EXOC3: variants seen among roughly 807,000 people sequenced by gnomAD.
EXOC3 encodes exocyst complex component 3.
Under a neutral mutation model 73.7 loss-of-function variants are expected in EXOC3, and 21 were observed. The observed-to-expected ratio is 0.29, with a 90% CI of 0.20 to 0.41. The LOEUF (loss-of-function observed/expected upper bound fraction) is 0.41. Ranked by LOEUF, EXOC3 falls within the 10% of genes least tolerant of loss-of-function variation. The pLI is 1.00. For synonymous variants in EXOC3, 410 were observed against 389.1 expected (o/e 1.05, Z -0.63); for missense variants, 842 against 985.1 (o/e 0.85, Z 1.95).
chr5:453,281 C>T, intron 3 of EXOC3, 89 bp from the exon 4 acceptor site: 1 of 965,320 alleles, frequency 1.0e-6, no homozygotes, highest in South Asian at 1.7e-5. Flanking sequence ...ATGTGGCTTC[C>T]TGCTCTGCCG....
At chr5:465,672 C>G (rs1195200168) in intron 11 of EXOC3, 46 bp from the exon 12 acceptor site, 2 of 1,611,198 alleles carry the variant, frequency 1.2e-6, no homozygotes. Context: ...CTCCCAGCGC[C>G]GCGGGACAGC....
At chr5:450,735 T>C (rs1401673665) in intron 3 of EXOC3, among the ~76,000 whole-genome samples, 1 of 152,256 alleles carries the variant, frequency 6.6e-6, no homozygotes, top group Non-Finnish European at 1.5e-5. Flanking sequence ...TATTTATAAT[T>C]GTTACATCTT....
intron 7 of EXOC3, among the ~76,000 whole-genome samples, chr5:461,040 C>CAA (rs1425602576): frequency 2.0e-5 from 3 of 152,174 alleles, no homozygotes; most frequent in African/African-American, 2.4e-5. Context: ...TGTTTGTTTT[C>CAA]TTGACATTTC....
At position 466,833 on chromosome 5, in the gene EXOC3, A is replaced by G; in HGVS notation, c.2173A>G (p.Ser725Gly). Residue 725 changes from serine to glycine, a missense_variant, in exon 13 of 13, where the codon AGC becomes GGC. Physicochemically the swap from Ser to Gly is moderately conservative, Grantham distance 56. Coordinates refer to ENST00000512944, the MANE Select transcript of EXOC3 (RefSeq NM_007277.5). ...GCAGGGCCCAGCACAGGCCAGCCCCAGCTACGTGCCCCTCTTCAAGGACAT... is the reference window on the plus strand; with the variant it reads ...GCAGGGCCCAGCACAGGCCAGCCCCGGCTACGTGCCCCTCTTCAAGGACAT... ...LEQGPAQASP[S>G]YVPLFKDIVV... 2 of 1,613,380 alleles carry G rather than the reference A, an allele frequency of 1.2e-6. No individual in the cohort carries two copies. Among genetic ancestry groups the G allele is most frequent in the South Asian group, 2.2e-5 (2 of 91,026 alleles).
intron 7 of EXOC3, among the ~76,000 whole-genome samples, chr5:461,053 G>A (rs1391326786): frequency 2.0e-5 from 3 of 152,316 alleles, no homozygotes; most frequent in African/African-American, 7.2e-5. Flanking sequence ...GACATTTCAA[G>A]TGTCTGTTTT....
At chr5:466,601 A>G in intron 12 of EXOC3, 126 bp from the exon 13 acceptor site, 1 of 835,640 alleles carries the variant, frequency 1.2e-6, no homozygotes, top group South Asian at 2.0e-5. Flanking sequence ...GAAAGGTGCA[A>G]TTTGTCTGCA....
chr5:451,796 C>T (rs1339798151), intron 3 of EXOC3, among the ~76,000 whole-genome samples: 1 of 152,184 alleles, frequency 6.6e-6, no homozygotes, highest in Non-Finnish European at 1.5e-5. Flanking sequence ...TAATATCGCT[C>T]TCACTTTTGA....
At chr5:466,584 GA>G in intron 12 of EXOC3, 142 bp from the exon 13 acceptor site, 1 of 706,914 alleles carries the variant, frequency 1.4e-6, no homozygotes, top group Non-Finnish European at 2.3e-6. Context: ...GTCTCCCGCT[GA>G]AAAGGGAAAG....
chr5:456,729 C>T (rs1387149701), intron 4 of EXOC3, among the ~76,000 whole-genome samples, 160 bp from the exon 5 acceptor site: 1 of 152,034 alleles, frequency 6.6e-6, no homozygotes, highest in Non-Finnish European at 1.5e-5. Flanking sequence ...AAGCCCTCGG[C>T]CCCTGCCCTG....
At chr5:449,999 A>G (rs1314204505) in intron 3 of EXOC3, among the ~76,000 whole-genome samples, 9 of 152,236 alleles carry the variant, frequency 5.9e-5, no homozygotes, top group Non-Finnish European at 1.2e-4. Flanking sequence ...TCATCCCAGC[A>G]CTTTGGAAGG....
In EXOC3 at chr5:465,182, C is replaced by T. The variant is rs767354577; in HGVS notation, c.1848C>T (p.Ser616=). 32 of 1,596,454 alleles carry T rather than the reference C, an allele frequency of 2.0e-5. No homozygotes were observed. Among genetic ancestry groups the T allele is most frequent in the Middle Eastern group, 1.7e-4 (1 of 5,902 alleles). The change falls in exon 11 of 13, where the codon TCC becomes TCT. Residue 616 remains serine (S), a synonymous_variant. Coordinates refer to ENST00000512944, the MANE Select transcript of EXOC3 (RefSeq NM_007277.5). ...YLRAVMQKRI[S]FRSPEERKEG... ...GGGCGGTCATGCAGAAGCGCATTTC[C>T]TTCCGGAGCCCGGAGGAGCGCAAGG...
rs763304126 is a variant in EXOC3 at position 465,738 on chromosome 5, C to T, written c.1959C>T (p.Asp653=). Residue 653 remains aspartate (D), a synonymous_variant, in exon 12 of 13, where the codon GAC becomes GAT. Transcript: ENST00000512944. ...TCCAGGGTTTCGGGGAAGACGTGGA[C>T]GGATACTGCGACACCATCGTGGCTG... The part of the protein sequence containing the change: ...KLASGFGEDV[D]GYCDTIVAVA... The T allele has an allele frequency of 3.0e-5, 48 of 1,613,772 alleles. No individual in the cohort carries two copies. Among genetic ancestry groups the T allele is most frequent in the African/African-American group, 5.3e-5 (4 of 74,944 alleles).
At chr5:463,954 A>G (rs1313366512) in intron 9 of EXOC3, among the ~76,000 whole-genome samples, 3 of 152,276 alleles carry the variant, frequency 2.0e-5, no homozygotes, top group Non-Finnish European at 4.4e-5. Flanking sequence ...TAAATCTCCT[A>G]TACTTAAAGT....
chr5:452,954 T>C (rs74758423), intron 3 of EXOC3, among the ~76,000 whole-genome samples: 2,983 of 152,292 alleles, frequency 0.02, 100 homozygotes, highest in African/African-American at 0.065. Flanking sequence ...GATGCAACAG[T>C]GGCCACTTAC....
Position 447,557 on chromosome 5 carries a change from G to A in EXOC3, c.169G>A (p.Gly57Arg), listed in dbSNP as rs575184002. 6 of 1,582,046 alleles carry A rather than the reference G, an allele frequency of 3.8e-6. No homozygotes were observed. In the South Asian group the frequency reaches 4.6e-5, roughly 12 times the overall value. Residue 57 changes from glycine to arginine, a missense_variant, in exon 3 of 13, where the codon GGG (glycine) becomes AGG (arginine). Physicochemically the swap from Gly to Arg is moderately radical, Grantham distance 125. Transcript: ENST00000512944. ...LKAAIQSQLD[G>R]VRTGLSQLHN... is the part of the protein sequence containing the mutation. The stretch of plus-strand genomic sequence containing the variant: ...GGCCGCCATCCAGTCACAGTTGGAC[G>A]GGGTGCGCACAGGCCTCAGCCAGCT...
chr5:459,467 T>C lies in EXOC3; in HGVS notation c.1391+8T>C. On this transcript the variant is annotated splice_region_variant and intron_variant, in intron 7 of 12. Transcript: ENST00000512944. ...GAATTCTTTCCTAAGCAGGTATGTC[T>C]TTCTGCCAGTGTGCTAATGTACACA... 1 of 1,437,332 alleles carries C rather than the reference T, an allele frequency of 7.0e-7. No homozygotes were observed. 89.0% of individuals were successfully genotyped at this position (1,437,332 alleles called of 1,614,324 possible).
chr5:458,149 C>T (rs1471026409), intron 6 of EXOC3, 124 bp downstream of exon 6: 2 of 1,026,340 alleles, frequency 1.9e-6, no homozygotes, highest in African/African-American at 3.2e-5. Flanking sequence ...ATATTGAGAG[C>T]CCTGCCTGGT....
intron 9 of EXOC3, among the ~76,000 whole-genome samples, chr5:463,987 C>T (rs1738060095): frequency 6.6e-6 from 1 of 152,228 alleles, no homozygotes; most frequent in Non-Finnish European, 1.5e-5. Context: ...ATTATATAAT[C>T]AAATTTTTAC....
intron 1 of EXOC3, among the ~76,000 whole-genome samples, chr5:445,349 T>C (rs1198961548): frequency 5.5e-5 from 3 of 54,938 alleles, no homozygotes; most frequent in Non-Finnish European, 1.2e-4. Context: ...TTTTCTTTTT[T>C]TTTCTTTTTT....
Sources: gnomAD v4.1 joint callset for allele counts (sites outside exome capture counted in the v4.1 genomes callset) on GRCh38, gnomAD v4.1.1 for gene constraint, MANE v1.5 for transcripts, NCBI Gene and HGNC (gene_info 2026-07-23, HGNC 2026-07-21) for gene names.